The following KCNIP4 variants were observed in gnomAD, a reference collection of about 807,000 sequenced individuals.
KCNIP4 encodes the protein potassium voltage-gated channel interacting protein 4, also known as Kv channel-interacting protein 4.
KCNIP4 carries 12 observed loss-of-function variants against 34.0 expected under a neutral mutation model. The observed-to-expected ratio is 0.35, with a 90% confidence interval of 0.23 to 0.57. The LOEUF is 0.57. Among genes scored for constraint, KCNIP4 ranks in the 20% least tolerant of loss-of-function variants. The pLI, the probability that KCNIP4 is intolerant of heterozygous loss-of-function variation, is 0.83. For synonymous variants in KCNIP4, 124 were observed against 102.2 expected (o/e 1.21, Z -1.29); for missense variants, 238 against 311.7 (o/e 0.76, Z 1.78).
At chr4:21,486,071 C>T (rs1731880936) in intron 1 of KCNIP4, among the ~76,000 whole-genome samples, 1 of 152,202 alleles carries the variant, frequency 6.6e-6, no homozygotes, top group Non-Finnish European at 1.5e-5. Flanking sequence ...GGCTGTGCCT[C>T]ACCTAGCAGA....
At chr4:21,569,576 G>A (rs1740204558) in intron 1 of KCNIP4, among the ~76,000 whole-genome samples, 1 of 151,990 alleles carries the variant, frequency 6.6e-6, no homozygotes, top group African/African-American at 2.4e-5. Context: ...GAGGATAAAA[G>A]AGAAAAAGAA....
Position 20,795,373 on chromosome 4 carries a change from T to C in KCNIP4, c.289-36483A>G, listed in dbSNP as rs558788775. Among the ~76,000 whole-genome samples the C allele has an allele frequency of 1.1e-4, 16 of 152,314 alleles. No individual in the cohort carries two copies. In the East Asian group the frequency reaches 2.9e-3, roughly 28 times the overall value. ...AATGTATTAAAATACATCCGAAGCCTATAGCCCTAAATAATGTAGCAACTC... is the reference window on the plus strand; with the variant it reads ...AATGTATTAAAATACATCCGAAGCCCATAGCCCTAAATAATGTAGCAACTC... On this transcript the variant is annotated intron_variant, in intron 3 of 8. Coordinates refer to ENST00000382152, the MANE Select transcript of KCNIP4 (RefSeq NM_025221.6).
At chr4:21,377,988 A>G (rs146225476) in intron 1 of KCNIP4, among the ~76,000 whole-genome samples, 25 of 152,250 alleles carry the variant, frequency 1.6e-4, no homozygotes, top group African/African-American at 5.8e-4. Context: ...CTTGCTATTT[A>G]GGATGCCATT....
intron 3 of KCNIP4, among the ~76,000 whole-genome samples, chr4:20,760,058 A>T (rs554740306): frequency 6.6e-6 from 1 of 152,278 alleles, no homozygotes; most frequent in Admixed American, 6.5e-5. Context: ...GGGCGACTAT[A>T]TTTATTGACA....
At chr4:21,195,770 C>T (rs974223146) in intron 1 of KCNIP4, among the ~76,000 whole-genome samples, 22 of 152,170 alleles carry the variant, frequency 1.4e-4, no homozygotes, top group African/African-American at 4.8e-4. Flanking sequence ...CCAACTAGAA[C>T]GCCTGGTTGC....
intron 1 of KCNIP4, among the ~76,000 whole-genome samples, chr4:21,475,457 C>A (rs1730873816): frequency 6.6e-6 from 1 of 152,216 alleles, no homozygotes; most frequent in Non-Finnish European, 1.5e-5. Flanking sequence ...CAACAACTTT[C>A]AACCCTCCAC....
chr4:20,883,011 T>G (rs1371839770), intron 1 of KCNIP4, among the ~76,000 whole-genome samples: 1 of 718 alleles, frequency 1.4e-3, no homozygotes. Context: ...TCTGGTGGTT[T>G]TTTTTTTTTT....
At chr4:21,550,082 T>C (rs1408546195) in intron 1 of KCNIP4, among the ~76,000 whole-genome samples, 1 of 152,118 alleles carries the variant, frequency 6.6e-6, no homozygotes, top group Admixed American at 6.6e-5. Flanking sequence ...TTTTAGTGCA[T>C]ATAACCCCCT....
chr4:21,351,345 T>C (rs549588464), intron 1 of KCNIP4, among the ~76,000 whole-genome samples: 30 of 152,108 alleles, frequency 2.0e-4, no homozygotes, highest in African/African-American at 7.0e-4. Context: ...GTTCTATTGA[T>C]AGTAACTCTC....
intron 1 of KCNIP4, among the ~76,000 whole-genome samples, chr4:21,492,371 A>G (rs111678895): frequency 6.4e-4 from 97 of 152,194 alleles, no homozygotes; most frequent in African/African-American, 2.1e-3. Flanking sequence ...GACATGTATC[A>G]CCATGCTTAA....
intron 3 of KCNIP4, among the ~76,000 whole-genome samples, chr4:20,760,593 G>GATATGGTT (rs1188350181): frequency 1.3e-5 from 2 of 152,118 alleles, no homozygotes. Context: ...AGAGCTTCTC[G>GATATGGTT]ATATGGTTTT....
chr4:20,854,957 T>C (rs1384317008), intron 2 of KCNIP4, among the ~76,000 whole-genome samples: 1 of 152,194 alleles, frequency 6.6e-6, no homozygotes, highest in Non-Finnish European at 1.5e-5. Context: ...CCATAGATGT[T>C]TGGAAAATGC....
intron 3 of KCNIP4, among the ~76,000 whole-genome samples, chr4:20,785,886 A>T (rs777782329): frequency 6.6e-6 from 1 of 152,094 alleles, no homozygotes; most frequent in African/African-American, 2.4e-5. Context: ...GGAGAGCAAC[A>T]TGGAGATTTC....
At chr4:21,701,595 T>C (rs896346766) in intron 1 of KCNIP4, among the ~76,000 whole-genome samples, 1 of 152,218 alleles carries the variant, frequency 6.6e-6, no homozygotes, top group African/African-American at 2.4e-5. Flanking sequence ...TGTAGTCTTC[T>C]AGGGTTAAGA....
chr4:21,474,645 G>A (rs949137263), intron 1 of KCNIP4, among the ~76,000 whole-genome samples: 2 of 152,082 alleles, frequency 1.3e-5, no homozygotes, highest in Non-Finnish European at 2.9e-5. Flanking sequence ...GAAAAAGGAA[G>A]GGGCAGAACA....
At chr4:20,898,291 A>G (rs78642547) in intron 1 of KCNIP4, among the ~76,000 whole-genome samples, 4,806 of 152,166 alleles carry the variant, frequency 0.032, 89 homozygotes, top group Non-Finnish European at 0.043. Context: ...CCCATAATAA[A>G]TCAACCTCTT....
chr4:21,041,665 T>A (rs1480725891), intron 1 of KCNIP4, among the ~76,000 whole-genome samples: 1 of 152,196 alleles, frequency 6.6e-6, no homozygotes, highest in African/African-American at 2.4e-5. Flanking sequence ...CCTAATGACA[T>A]GCAAAGAAGC....
chr4:21,516,507 TA>T (rs1323540290), intron 1 of KCNIP4, among the ~76,000 whole-genome samples: 1 of 152,172 alleles, frequency 6.6e-6, no homozygotes. Context: ...CTCCCCAAAC[TA>T]AATTGGTTGT....
At chr4:21,445,438 G>A (rs1032173595) in intron 1 of KCNIP4, among the ~76,000 whole-genome samples, 15 of 152,154 alleles carry the variant, frequency 9.9e-5, no homozygotes, top group East Asian at 1.9e-4. Flanking sequence ...ATAGACCAAC[G>A]GAACAGAACA....
Sources: allele counts gnomAD v4.1 joint callset (sites outside exome capture counted in the v4.1 genomes callset), GRCh38; gene constraint gnomAD v4.1.1; transcripts MANE v1.5; gene names NCBI Gene and HGNC (gene_info 2026-07-23, HGNC 2026-07-21).